The following IPO7 variants were observed in gnomAD, a reference collection of about 807,000 sequenced individuals.
The protein encoded by IPO7 is importin-7.
Under a neutral mutation model 136.4 loss-of-function variants are expected in IPO7, and 13 were observed. The ratio of observed to expected loss-of-function variants is 0.10; its 90% CI spans 0.06 to 0.15. The LOEUF is 0.15. IPO7 is among the 10% of genes least tolerant of loss of function. IPO7 has a pLI of 1.00. For missense variants in IPO7, 857 were observed against 1,240.6 expected (o/e 0.69, Z 4.65); for synonymous variants, 403 against 404.4 (o/e 1.00, Z 0.04).
chr11:9,393,926 C>T lies in IPO7; in HGVS notation c.84+9079C>T, dbSNP rs116939759. On this transcript the variant is annotated intron_variant, in intron 1 of 24. Coordinates refer to ENST00000379719, the MANE Select transcript of IPO7 (RefSeq NM_006391.3). ...TTTGAGACAGTCTCTCTCTGTCTCC[C>T]AGCTGTAGTGCAGTGGTGCTATCTC... Among the ~76,000 whole-genome samples the T allele has an allele frequency of 2.4e-3, 372 of 151,878 alleles. 5 individuals are homozygous for T. The East Asian group carries it at 0.033, about 13-fold the overall frequency.
intron 1 of IPO7, among the ~76,000 whole-genome samples, chr11:9,390,673 G>A (rs2133717307): frequency 6.6e-6 from 1 of 152,286 alleles, no homozygotes; most frequent in South Asian, 2.1e-4. Context: ...AAGAGTTTGG[G>A]CGCAGTGGCT....
At chr11:9,405,237 C>T (rs1161974729) in intron 2 of IPO7, among the ~76,000 whole-genome samples, 4 of 151,982 alleles carry the variant, frequency 2.6e-5, no homozygotes, top group African/African-American at 7.2e-5. Flanking sequence ...TGCAGTGGCG[C>T]GATCTCGGCT....
chr11:9,446,801 T>C lies in IPO7; in HGVS notation c.*1607T>C, dbSNP rs1029389091. On this transcript the variant is annotated 3_prime_UTR_variant, in exon 25 of 25. Transcript: ENST00000379719. ...ATACCAATAATTAAGCCACTACTGTTGGCACTGTTTGGTTTTCTATTTTAA... is the reference window on the plus strand; with the variant it reads ...ATACCAATAATTAAGCCACTACTGTCGGCACTGTTTGGTTTTCTATTTTAA... 3.3e-5 allele frequency: 5 copies of C among 152,208 alleles called. No individual in the cohort carries two copies. Among genetic ancestry groups the C allele is most frequent in the African/African-American group, 1.2e-4 (5 of 41,458 alleles). 9.4% of individuals were successfully genotyped at this position (152,208 alleles called of 1,614,324 possible). A position where few individuals can be genotyped will look rare whatever the true frequency, so the allele number is the denominator to read the frequency against.
intron 2 of IPO7, among the ~76,000 whole-genome samples, chr11:9,406,886 A>G (rs1199857869): frequency 6.6e-6 from 1 of 152,160 alleles, no homozygotes; most frequent in Non-Finnish European, 1.5e-5. Context: ...AAAAGAAAAA[A>G]AAATTATGTT....
intron 24 of IPO7, among the ~76,000 whole-genome samples, 191 bp from the exon 25 acceptor site, chr11:9,444,906 A>T (rs1057009043): frequency 6.6e-6 from 1 of 151,942 alleles, no homozygotes; most frequent in African/African-American, 2.4e-5. Context: ...AGTCTACAGC[A>T]TACAGTAAAA....
intron 1 of IPO7, among the ~76,000 whole-genome samples, chr11:9,385,741 A>G (rs79808824): frequency 0.038 from 5,837 of 151,648 alleles, 354 homozygotes; most frequent in African/African-American, 0.13. Flanking sequence ...TTTTTCCCCC[A>G]TATTTTGTGG....
chr11:9,434,851 C>T (rs1020942535), intron 18 of IPO7, 83 bp from the exon 19 acceptor site: 2 of 913,398 alleles, frequency 2.2e-6, no homozygotes, highest in African/African-American at 3.3e-5. Flanking sequence ...CATAGATTTG[C>T]CTTTTTCTAA....
At chr11:9,441,500 A>G (rs925248674) in intron 23 of IPO7, among the ~76,000 whole-genome samples, 4 of 152,228 alleles carry the variant, frequency 2.6e-5, no homozygotes, top group Admixed American at 2.6e-4. Flanking sequence ...AGAATACATT[A>G]TCTGATAACC....
chr11:9,389,268 C>G (rs1040868587), intron 1 of IPO7, among the ~76,000 whole-genome samples: 1 of 151,984 alleles, frequency 6.6e-6, no homozygotes. Context: ...AGGCTGGTCT[C>G]GAACTCCTGA....
intron 1 of IPO7, among the ~76,000 whole-genome samples, chr11:9,386,125 A>G (rs559550537): frequency 6.6e-6 from 1 of 152,360 alleles, no homozygotes; most frequent in South Asian, 2.1e-4. Context: ...TGCACTAGAG[A>G]TCCCTGCCCT....
chr11:9,414,364 G>C lies in IPO7; in HGVS notation c.589G>C (p.Val197Leu). 2 of 1,612,056 alleles carry C rather than the reference G, an allele frequency of 1.2e-6. No homozygotes were observed. The highest frequency in any genetic ancestry group is 1.7e-6 in the Non-Finnish European group (2 of 1,178,836). The change falls in exon 5 of 25, where the codon GTC (valine) becomes CTC (leucine). Residue 197 changes from valine (V) to leucine (L), a missense_variant. By Grantham distance (32) the Val-to-Leu change is conservative. Around this residue, in one of 11 missense-constraint regions of IPO7, gnomAD observed 287 missense variants for 307.5 expected, o/e 0.93. Transcript: ENST00000379719. The stretch of plus-strand genomic sequence containing the variant: ...TCTTTCTGACCAGTCTGATCAGTCT[G>C]TCCTCATCCAGAAACAGATATTCAA... ...QLLSDQSDQS[V>L]LIQKQIFKIF...
chr11:9,434,790 A>C (rs1855347299), intron 18 of IPO7, 144 bp from the exon 19 acceptor site: 5 of 664,878 alleles, frequency 7.5e-6, no homozygotes, highest in Non-Finnish European at 1.4e-5. Context: ...ACAGAGTGAG[A>C]GTGTCCCCCC....
At chr11:9,418,066 GT>G (rs923030291) in intron 6 of IPO7, among the ~76,000 whole-genome samples, 16 of 149,744 alleles carry the variant, frequency 1.1e-4, no homozygotes, top group African/African-American at 3.9e-4. Flanking sequence ...TGAATACGCT[GT>G]TTTGTTTTGT....
intron 15 of IPO7, 28 bp downstream of exon 15, chr11:9,429,862 C>T (rs1351637342): frequency 1.3e-6 from 2 of 1,534,366 alleles, no homozygotes; most frequent in East Asian, 2.4e-5. Flanking sequence ...ACCATATTTG[C>T]AAGCATTTTA....
In IPO7 at chr11:9,446,157, T is replaced by TA. The variant is rs1855524672; in HGVS notation, c.*966dup. On this transcript the variant is annotated 3_prime_UTR_variant, in exon 25 of 25. Coordinates refer to ENST00000379719, the MANE Select transcript of IPO7 (RefSeq NM_006391.3). ...TAAATTGGATATAAAGTTCTGCTCT[T>TA]AAAGAGTTGATCTAAGAGTATGGCT... 2 of 152,208 alleles carry TA rather than the reference T, an allele frequency of 1.3e-5. No homozygotes were observed. The highest frequency in any genetic ancestry group is 4.8e-5 in the African/African-American group (2 of 41,456). 9.4% of individuals were successfully genotyped at this position (152,208 alleles called of 1,614,324 possible).
chr11:9,438,065 T>TTTC lies in IPO7; in HGVS notation c.2490-13_2490-12insCTT. 9.4e-7 allele frequency: 1 copy of TTTC among 1,064,634 alleles called. No individual in the cohort carries two copies. The highest frequency in any genetic ancestry group is 1.3e-6 in the Non-Finnish European group (1 of 771,256). The allele number at this position is 1,064,634 out of a possible 1,614,324, so 65.9% of individuals were successfully genotyped here. A position where few individuals can be genotyped will look rare whatever the true frequency, so the allele number is the denominator to read the frequency against. ...AAACAGTTTTTTTTTTTTTTTTTTT[T>TTTC]TTTTTTTTTTTTAGGCTTCATGACA... On this transcript the variant is annotated splice_polypyrimidine_tract_variant and intron_variant, in intron 21 of 24. Coordinates refer to ENST00000379719, the MANE Select transcript of IPO7 (RefSeq NM_006391.3).
chr11:9,410,042 G>T lies in IPO7; in HGVS notation c.435G>T (p.Trp145Cys). 2 of 1,603,880 alleles carry T rather than the reference G, an allele frequency of 1.2e-6. No individual in the cohort carries two copies. Among genetic ancestry groups the T allele is most frequent in the Non-Finnish European group, 1.7e-6 (2 of 1,176,014 alleles). The change falls in exon 4 of 25, where the codon TGG (tryptophan) becomes TGT (cysteine). Residue 145 changes from tryptophan to cysteine, a missense_variant. Transcript: ENST00000379719. The stretch of plus-strand genomic sequence containing the variant: ...TTCAGTCCGATAACAGTGCTTGTTG[G>T]CTAGGAATTCTTCTTTGCCTTTATC... ...FYLQSDNSACWLGILLCLYQL... is the reference protein window; with the variant it reads ...FYLQSDNSACCLGILLCLYQL...
chr11:9,428,884 A>T, intron 13 of IPO7, 147 bp from the exon 14 acceptor site: 1 of 817,614 alleles, frequency 1.2e-6, no homozygotes, highest in Non-Finnish European at 2.2e-6. Flanking sequence ...GTAACTTGGG[A>T]TCATAGTACT....
intron 4 of IPO7, among the ~76,000 whole-genome samples, chr11:9,412,658 T>C (rs959798868): frequency 6.6e-6 from 1 of 151,802 alleles, no homozygotes; most frequent in African/African-American, 2.4e-5. Context: ...TCTCCCCTAC[T>C]CTCTACAGAC....
Sources: gnomAD v4.1 joint callset for allele counts (sites outside exome capture counted in the v4.1 genomes callset) on GRCh38, gnomAD v4.1.1 for gene constraint, gnomAD v4.1.1 regional missense constraint, MANE v1.5 for transcripts, NCBI Gene and HGNC (gene_info 2026-07-23, HGNC 2026-07-21) for gene names.